CRB1: variants seen among roughly 807,000 people sequenced by gnomAD.
CRB1 encodes the protein protein crumbs homolog 1.
A neutral mutation model predicts 120.0 loss-of-function variants in CRB1; 83 were observed. The ratio of observed to expected loss-of-function variants is 0.69; its 90% CI spans 0.58 to 0.83. CRB1 has a LOEUF of 0.83. Ranked by LOEUF, CRB1 falls within the 40% of genes least tolerant of loss-of-function variation. CRB1 has a pLI of 0.00. For synonymous variants in CRB1, 625 were observed against 612.5 expected (o/e 1.02, Z -0.30); for missense variants, 1,699 against 1,687.6 (o/e 1.01, Z -0.12).
chr1:197,263,137 T>C, the CRB1 span, among the ~76,000 whole-genome samples: 2 of 152,178 alleles, frequency 1.3e-5, no homozygotes, highest in East Asian at 3.9e-4. Flanking sequence ...CTAATTTACA[T>C]TCCCATCAAC....
intron 5 of CRB1, among the ~76,000 whole-genome samples, chr1:197,360,644 G>T (rs78729372): frequency 6.6e-6 from 1 of 152,130 alleles, no homozygotes; most frequent in African/African-American, 2.4e-5. Flanking sequence ...ATTGTTTCTT[G>T]GTTGTTGATT....
At chr1:197,428,045 C>G in intron 7 of CRB1, 44 bp downstream of exon 7, 4 of 1,549,270 alleles carry the variant, frequency 2.6e-6, no homozygotes, top group Non-Finnish European at 3.6e-6. Context: ...GTATGCTAAA[C>G]TTTTACTTTA....
the CRB1 span, among the ~76,000 whole-genome samples, chr1:197,259,445 G>A: frequency 1.3e-5 from 2 of 152,176 alleles, no homozygotes; most frequent in South Asian, 2.1e-4. Context: ...ACCAAACACT[G>A]CATGTTCTCA....
At chr1:197,212,532 A>G in the CRB1 span, among the ~76,000 whole-genome samples, 2 of 152,204 alleles carry the variant, frequency 1.3e-5, no homozygotes, top group Non-Finnish European at 2.9e-5. Context: ...ATTCTATCTG[A>G]TCAAAATTCT....
intron 10 of CRB1, 180 bp downstream of exon 10, chr1:197,438,855 G>A: frequency 1.6e-6 from 1 of 626,344 alleles, no homozygotes; most frequent in Non-Finnish European, 2.6e-6. Context: ...TAGGTCAAAG[G>A]GGAGAACATT....
intron 1 of CRB1, among the ~76,000 whole-genome samples, chr1:197,288,697 G>T (rs1344249278): frequency 6.6e-6 from 1 of 151,824 alleles, no homozygotes; most frequent in African/African-American, 2.4e-5. Context: ...CGAAAAGTAC[G>T]TTGGAAGAGA....
chr1:197,312,972 A>G lies in CRB1; in HGVS notation c.71-15450A>G, dbSNP rs565079698. On this transcript the variant is annotated intron_variant, in intron 1 of 11. Coordinates refer to ENST00000367400, the MANE Select transcript of CRB1 (RefSeq NM_201253.3). ...TGTATTAGTCCATTCTCACACTGCT[A>G]TAAAGAACTACCTGAGACTGGGTAA... 4.2e-4 allele frequency among the ~76,000 whole-genome samples: 64 copies of G among 152,312 alleles called. No homozygotes were observed. The South Asian group carries it at 0.013, about 31-fold the overall frequency.
chr1:197,292,727 T>C (rs1656266022), intron 1 of CRB1, among the ~76,000 whole-genome samples: 3 of 152,160 alleles, frequency 2.0e-5, no homozygotes, highest in Admixed American at 2.0e-4. Flanking sequence ...CAAGTGGGCT[T>C]CATCCCTGGG....
chr1:197,295,681 G>T (rs977566968), intron 1 of CRB1, among the ~76,000 whole-genome samples: 2 of 151,858 alleles, frequency 1.3e-5, no homozygotes, highest in African/African-American at 4.8e-5. Context: ...GCTTTATTTT[G>T]GTCACCCTCC....
chr1:197,372,401 G>T (rs1257757893), intron 5 of CRB1, among the ~76,000 whole-genome samples: 2 of 152,158 alleles, frequency 1.3e-5, no homozygotes, highest in Non-Finnish European at 2.9e-5. Context: ...ACCCCCAAAG[G>T]AGAGACATTC....
the CRB1 span, among the ~76,000 whole-genome samples, chr1:197,256,610 C>T: frequency 1.3e-4 from 19 of 151,910 alleles, no homozygotes; most frequent in Middle Eastern, 3.2e-3. Flanking sequence ...AGTAAAGCTA[C>T]GTGGCATGAA....
At chr1:197,294,409 C>T (rs1430889627) in intron 1 of CRB1, among the ~76,000 whole-genome samples, 1 of 151,762 alleles carries the variant, frequency 6.6e-6, no homozygotes. Flanking sequence ...CAGGAAATAA[C>T]AGGTGCTGGA....
At chr1:197,276,923 A>G (rs2125210397) in intron 1 of CRB1, among the ~76,000 whole-genome samples, 1 of 152,076 alleles carries the variant, frequency 6.6e-6, no homozygotes, top group South Asian at 2.1e-4. Context: ...GATTTAAAAC[A>G]AGTTTGTCAG....
In CRB1 at chr1:197,285,931, T is replaced by C. The variant is rs117915002; in HGVS notation, c.70+17449T>C. Among the ~76,000 whole-genome samples, 113 of 152,062 alleles carry C rather than the reference T, an allele frequency of 7.4e-4. 2 individuals are homozygous for C. In the East Asian group the frequency reaches 0.022, roughly 29 times the overall value. On this transcript the variant is annotated intron_variant, in intron 1 of 11. Transcript: ENST00000367400. ...ATTCTTTGAATTTGAGCAGAATCTCTTTCTCTCCTTTTTTTAATTCCTTGG... is the reference window on the plus strand; with the variant it reads ...ATTCTTTGAATTTGAGCAGAATCTCCTTCTCTCCTTTTTTTAATTCCTTGG...
intron 11 of CRB1, among the ~76,000 whole-genome samples, chr1:197,448,930 AG>A (rs1385284356): frequency 6.6e-6 from 1 of 152,238 alleles, no homozygotes; most frequent in African/African-American, 2.4e-5. Context: ...GGAGATCTTG[AG>A]AAGAAATTAT....
upstream of CRB1, among the ~76,000 whole-genome samples, chr1:197,267,705 A>G (rs550342101): frequency 2.0e-3 from 311 of 152,334 alleles, 3 homozygotes; most frequent in Non-Finnish European, 6.0e-4. Context: ...AAATAAGCAA[A>G]CATGTTTACA....
In CRB1 at chr1:197,478,188, T is replaced by C; in HGVS notation, c.*309T>C. ...TGGCTATCACTGAAACTCTTTCCTC[T>C]TTTCAACCTGGGAACAAATTTTAGT... On this transcript the variant is annotated 3_prime_UTR_variant, in exon 12 of 12. Coordinates refer to ENST00000367400, the MANE Select transcript of CRB1 (RefSeq NM_201253.3). 2.7e-6 allele frequency: 1 copy of C among 363,772 alleles called. No individual in the cohort carries two copies. Among genetic ancestry groups the C allele is most frequent in the South Asian group, 2.9e-5 (1 of 34,780 alleles). The allele number at this position is 363,772 out of a possible 1,614,324, so 22.5% of individuals were successfully genotyped here. A position where few individuals can be genotyped will look rare whatever the true frequency, so the allele number is the denominator to read the frequency against.
At chr1:197,306,416 T>A (rs1319787867) in intron 1 of CRB1, among the ~76,000 whole-genome samples, 1 of 152,164 alleles carries the variant, frequency 6.6e-6, no homozygotes, top group South Asian at 2.1e-4. Context: ...AGATATCCTG[T>A]CCTAAATTTT....
intron 1 of CRB1, among the ~76,000 whole-genome samples, chr1:197,294,991 C>T (rs994538825): frequency 6.6e-6 from 1 of 152,000 alleles, no homozygotes; most frequent in African/African-American, 2.4e-5. Flanking sequence ...ACCAAGATAG[C>T]ACATGTATAC....
Sources: gnomAD v4.1 joint callset for allele counts (sites outside exome capture counted in the v4.1 genomes callset) on GRCh38, gnomAD v4.1.1 for gene constraint, MANE v1.5 for transcripts, NCBI Gene and HGNC (gene_info 2026-07-23, HGNC 2026-07-21) for gene names.